The following SPPL2A variants were observed in gnomAD, a reference collection of about 807,000 sequenced individuals.
The protein encoded by SPPL2A is signal peptide peptidase-like 2A.
A neutral mutation model predicts 63.8 loss-of-function variants in SPPL2A; 51 were observed. The ratio of observed to expected loss-of-function variants is 0.80; its 90% confidence interval spans 0.64 to 1.01. The LOEUF is 1.01. SPPL2A is among the 50% of genes least tolerant of loss of function. The pLI is 0.00. For synonymous variants in SPPL2A, 188 were observed against 205.8 expected (o/e 0.91, Z 0.74); for missense variants, 553 against 622.7 (o/e 0.89, Z 1.19).
At chr15:50,756,706 C>A (rs1056383115) in intron 1 of SPPL2A, among the ~76,000 whole-genome samples, 1 of 152,012 alleles carries the variant, frequency 6.6e-6, no homozygotes, top group Non-Finnish European at 1.5e-5. Context: ...GGCAACATAG[C>A]CAGACCCCAT....
chr15:50,759,642 C>T (rs1311822123), intron 1 of SPPL2A, among the ~76,000 whole-genome samples: 1 of 151,678 alleles, frequency 6.6e-6, no homozygotes, highest in Non-Finnish European at 1.5e-5. Context: ...ACTCGGGAGG[C>T]TGAGGCAGGA....
At chr15:50,762,735 C>CT (rs72181864) in intron 1 of SPPL2A, among the ~76,000 whole-genome samples, 37,466 of 137,026 alleles carry the variant, frequency 0.27, 5,936 homozygotes, top group East Asian at 0.55. Context: ...TTTTTCTTTT[C>CT]TTTTTTTTTT....
rs2062490469 is a variant in SPPL2A at position 50,703,358 on chromosome 15, T to TATATATATACATATATATATA, written c.*4441_*4442insTATATATATATGTATATATAT. 1 of 56,802 alleles carries TATATATATACATATATATATA rather than the reference T, an allele frequency of 1.8e-5. No homozygotes were observed. The highest frequency in any genetic ancestry group is 2.1e-4 in the Admixed American group (1 of 4,722). The allele number at this position is 56,802 out of a possible 1,614,324, so 3.5% of individuals were successfully genotyped here. A position where few individuals can be genotyped will look rare whatever the true frequency, so the allele number is the denominator to read the frequency against. ...TATATATATATATACATATATATAT[T>TATATATATACATATATATATA]TTTTTTTTTTTTTTTTTTTTTTGAG... is the stretch of plus-strand genomic sequence containing the variant. On this transcript the variant is annotated 3_prime_UTR_variant, in exon 15 of 15. Coordinates refer to ENST00000261854, the MANE Select transcript of SPPL2A (RefSeq NM_032802.4).
At position 50,703,323 on chromosome 15, in the gene SPPL2A, TAC is replaced by T. The variant is rs2062488000; in HGVS notation, c.*4475_*4476del. On this transcript the variant is annotated 3_prime_UTR_variant, in exon 15 of 15. Coordinates refer to ENST00000261854, the MANE Select transcript of SPPL2A (RefSeq NM_032802.4). ...AAGCCTAAATAAATTAGTTCATATA[TAC>T]ATATATATATATATATATATACATA... The T allele has an allele frequency of 5.6e-5, 6 of 107,450 alleles. No homozygotes were observed. Among genetic ancestry groups the T allele is most frequent in the South Asian group, 3.5e-4 (1 of 2,896 alleles). 6.7% of individuals were successfully genotyped at this position (107,450 alleles called of 1,614,324 possible). A position where few individuals can be genotyped will look rare whatever the true frequency, so the allele number is the denominator to read the frequency against.
intron 11 of SPPL2A, chr15:50,725,971 A>AT (rs1388551708): frequency 9.5e-5 from 62 of 653,108 alleles, no homozygotes; most frequent in Non-Finnish European, 1.3e-4. Context: ...AACAGGCCTA[A>AT]TTTTTTTTGG....
At chr15:50,755,885 G>A (rs2062953743) in intron 1 of SPPL2A, among the ~76,000 whole-genome samples, 1 of 151,952 alleles carries the variant, frequency 6.6e-6, no homozygotes, top group African/African-American at 2.4e-5. Context: ...CTCTCAAAGT[G>A]CTGGGATTAC....
chr15:50,727,983 C>G (rs1305607982), intron 10 of SPPL2A, among the ~76,000 whole-genome samples: 1 of 152,124 alleles, frequency 6.6e-6, no homozygotes, highest in Non-Finnish European at 1.5e-5. Flanking sequence ...ATTTCTTAAG[C>G]ACAAAAGAAA....
chr15:50,752,050 G>A (rs765777025), intron 1 of SPPL2A, among the ~76,000 whole-genome samples: 4 of 151,858 alleles, frequency 2.6e-5, no homozygotes, highest in Non-Finnish European at 5.9e-5. Context: ...AGGCTGGTGT[G>A]GAACTCCTGA....
At position 50,704,481 on chromosome 15, in the gene SPPL2A, T is replaced by C. The variant is rs1049023885; in HGVS notation, c.*3319A>G. The C allele has an allele frequency of 1.3e-5, 2 of 151,850 alleles. No individual in the cohort carries two copies. Among genetic ancestry groups the C allele is most frequent in the Non-Finnish European group, 2.9e-5 (2 of 67,984 alleles). 9.4% of individuals were successfully genotyped at this position (151,850 alleles called of 1,614,324 possible). A position where few individuals can be genotyped will look rare whatever the true frequency, so the allele number is the denominator to read the frequency against. On this transcript the variant is annotated 3_prime_UTR_variant, in exon 15 of 15. Coordinates refer to ENST00000261854, the MANE Select transcript of SPPL2A (RefSeq NM_032802.4). ...AAGTAATCTACATTACAATTTGAGA[T>C]AGTGATTTCTGTTGATAAGCCACAA...
intron 1 of SPPL2A, among the ~76,000 whole-genome samples, chr15:50,752,408 C>A (rs2062916217): frequency 6.6e-6 from 1 of 151,674 alleles, no homozygotes; most frequent in Non-Finnish European, 1.5e-5. Flanking sequence ...ATGGCAAAAC[C>A]CCGTCTCTAC....
At chr15:50,747,707 ACTCT>A in intron 4 of SPPL2A, 79 bp from the exon 5 acceptor site, 2 of 993,876 alleles carry the variant, frequency 2.0e-6, no homozygotes, top group Non-Finnish European at 3.1e-6. Context: ...TCCACATTTC[ACTCT>A]GGAATGGACA....
Position 50,730,900 on chromosome 15 carries a change from G to A in SPPL2A, c.1089+65C>T, listed in dbSNP as rs919573531. On this transcript the variant is annotated intron_variant, in intron 10 of 14. Coordinates refer to ENST00000261854, the MANE Select transcript of SPPL2A (RefSeq NM_032802.4). ...AAACATCTGCAAAATTAATAATCTA[G>A]GAGCAGATTTAAGATGATCATTTTT... 1.3e-5 allele frequency: 9 copies of A among 709,210 alleles called. No individual in the cohort carries two copies. The Middle Eastern group carries it at 7.2e-4, about 57-fold the overall frequency. The allele number at this position is 709,210 out of a possible 1,614,324, so 43.9% of individuals were successfully genotyped here.
chr15:50,748,425 A>C (rs1039095564), intron 3 of SPPL2A, among the ~76,000 whole-genome samples: 1 of 151,546 alleles, frequency 6.6e-6, no homozygotes, highest in East Asian at 1.9e-4. Flanking sequence ...TTCATATTAC[A>C]TATGTGTAAT....
rs988571430 is a variant in SPPL2A, at chr15:50,704,713, C to T, written c.*3087G>A. Reference sequence around the variant, plus strand: ...TCTATCTTTTGTTCATTTTGAGTCCCCAAATAAAATATTTCTGTACTTTAA... The same window carrying T: ...TCTATCTTTTGTTCATTTTGAGTCCTCAAATAAAATATTTCTGTACTTTAA... On this transcript the variant is annotated 3_prime_UTR_variant, in exon 15 of 15. Coordinates refer to ENST00000261854, the MANE Select transcript of SPPL2A (RefSeq NM_032802.4). 2.6e-5 allele frequency: 4 copies of T among 152,158 alleles called. No homozygotes were observed. The highest frequency in any genetic ancestry group is 7.2e-5 in the African/African-American group (3 of 41,514). The allele number at this position is 152,158 out of a possible 1,614,324, so 9.4% of individuals were successfully genotyped here.
intron 1 of SPPL2A, among the ~76,000 whole-genome samples, chr15:50,764,317 G>T (rs1304613306): frequency 6.6e-6 from 1 of 152,146 alleles, no homozygotes; most frequent in East Asian, 1.9e-4. Context: ...TAAAGACTCC[G>T]ACTAACACTG....
At chr15:50,762,702 A>T (rs571041089) in intron 1 of SPPL2A, among the ~76,000 whole-genome samples, 1 of 151,158 alleles carries the variant, frequency 6.6e-6, no homozygotes, top group African/African-American at 2.4e-5. Context: ...TACATGACTA[A>T]GGGGAAGCAG....
intron 10 of SPPL2A, 136 bp downstream of exon 10, chr15:50,730,829 A>T (rs2062724348): frequency 1.7e-6 from 1 of 581,644 alleles, no homozygotes; most frequent in East Asian, 3.4e-5. Flanking sequence ...TAAAAGGCCA[A>T]TTTCAATGAC....
chr15:50,725,182 G>T, intron 12 of SPPL2A, 39 bp downstream of exon 12: 1 of 1,127,200 alleles, frequency 8.9e-7, no homozygotes, highest in Non-Finnish European at 1.3e-6. Context: ...AAAATCATCA[G>T]TGTTTTTTTT....
chr15:50,715,333 T>C (rs959001709), intron 14 of SPPL2A, among the ~76,000 whole-genome samples: 1 of 152,080 alleles, frequency 6.6e-6, no homozygotes, highest in Non-Finnish European at 1.5e-5. Flanking sequence ...GGCAAAGCAT[T>C]TGTTCACTGG....
Sources: allele counts gnomAD v4.1 joint callset (sites outside exome capture counted in the v4.1 genomes callset), GRCh38; gene constraint gnomAD v4.1.1; transcripts MANE v1.5; gene names NCBI Gene and HGNC (gene_info 2026-07-23, HGNC 2026-07-21).